PALM2AKAP2: variants seen among roughly 807,000 people sequenced by gnomAD.
The protein encoded by PALM2AKAP2 is PALM2-AKAP2 fusion protein.
A neutral mutation model predicts 71.5 loss-of-function variants in PALM2AKAP2; 37 were observed. The ratio of observed to expected loss-of-function variants is 0.52; its 90% confidence interval spans 0.40 to 0.68. The LOEUF (loss-of-function observed/expected upper bound fraction) is 0.68. Ranked by LOEUF, PALM2AKAP2 falls within the 30% of genes least tolerant of loss-of-function variation. The pLI, the probability that PALM2AKAP2 is intolerant of heterozygous loss-of-function variation, is 0.00. For missense variants in PALM2AKAP2, 1,224 were observed against 1,191.8 expected (o/e 1.03, Z -0.40); for synonymous variants, 468 against 478.8 (o/e 0.98, Z 0.29).
At chr9:109,727,223 G>A (rs78876342) in intron 1 of PALM2AKAP2, among the ~76,000 whole-genome samples, 7,178 of 152,112 alleles carry the variant, frequency 0.047, 265 homozygotes, top group Non-Finnish European at 0.073. Flanking sequence ...AGGTTACTTG[G>A]CCATATGCTT....
intron 2 of PALM2AKAP2, among the ~76,000 whole-genome samples, chr9:110,156,080 T>G (rs10816927): frequency 0.36 from 54,389 of 152,122 alleles, 10,148 homozygotes; most frequent in African/African-American, 0.43. Flanking sequence ...ATGCGTGCTG[T>G]GCCTGTTTGA....
At chr9:109,959,353 A>G (rs1216955413) in intron 6 of PALM2AKAP2, among the ~76,000 whole-genome samples, 2 of 152,110 alleles carry the variant, frequency 1.3e-5, no homozygotes, top group African/African-American at 4.8e-5. Flanking sequence ...TGTCTTAAGT[A>G]TAAAGATCCA....
At chr9:109,803,094 G>GT (rs967549875) in intron 1 of PALM2AKAP2, among the ~76,000 whole-genome samples, 12 of 146,008 alleles carry the variant, frequency 8.2e-5, no homozygotes, top group East Asian at 2.2e-4. Flanking sequence ...CCAAGAACAG[G>GT]TTTTTGGGGA....
intron 2 of PALM2AKAP2, 139 bp downstream of exon 2, chr9:109,867,710 C>T: frequency 1.0e-6 from 1 of 955,668 alleles, no homozygotes; most frequent in South Asian, 1.8e-5. Context: ...GAAACCATCT[C>T]TTGGCTTTTC....
At chr9:109,866,507 G>T (rs1477463433) in intron 1 of PALM2AKAP2, among the ~76,000 whole-genome samples, 1 of 152,136 alleles carries the variant, frequency 6.6e-6, no homozygotes, top group African/African-American at 2.4e-5. Flanking sequence ...CCACATTGGA[G>T]AAGTATAGAG....
Position 109,919,735 on chromosome 9 carries a change from A to ATGTGTG in PALM2AKAP2, c.258-3974_258-3969dup, listed in dbSNP as rs1163749906. Reference sequence around the variant, plus strand: ...TATATATATATATGTGTGTATACATATGTGTGTGTGTGTGTGTGTGTGTGT... The same window carrying ATGTGTG: ...TATATATATATATGTGTGTATACATATGTGTGTGTGTGTGTGTGTGTGTGTGTGTGT... On this transcript the variant is annotated intron_variant, in intron 3 of 9. Transcript: ENST00000302798. Among the ~76,000 whole-genome samples, 2 of 142,966 alleles carry ATGTGTG rather than the reference A, an allele frequency of 1.4e-5. 1 individual carries two copies. The highest frequency in any genetic ancestry group is 5.1e-5 in the African/African-American group (2 of 38,856). 93.8% of individuals were successfully genotyped at this position (142,966 alleles called of 152,430 possible). A position where few individuals can be genotyped will look rare whatever the true frequency, so the allele number is the denominator to read the frequency against.
At chr9:110,094,664 G>C (rs1163106001) in intron 1 of PALM2AKAP2, among the ~76,000 whole-genome samples, 1 of 127,568 alleles carries the variant, frequency 7.8e-6, no homozygotes, top group Non-Finnish European at 1.7e-5. Flanking sequence ...ATAGCACCAC[G>C]GGGCGGGGGG....
upstream of PALM2AKAP2, chr9:109,780,375 G>C: frequency 6.3e-7 from 1 of 1,598,812 alleles, no homozygotes; most frequent in Non-Finnish European, 8.5e-7. Context: ...AGCCGTCCCT[G>C]GGCGTTCTCC....
chr9:109,780,142 G>C (rs886500752), upstream of PALM2AKAP2, among the ~76,000 whole-genome samples: 15 of 151,054 alleles, frequency 9.9e-5, no homozygotes, highest in African/African-American at 3.6e-4. Context: ...GAGGCACCGA[G>C]ACGTCAGGGC....
chr9:109,652,663 T>C (rs1827242802), intron 1 of PALM2AKAP2, among the ~76,000 whole-genome samples: 1 of 152,246 alleles, frequency 6.6e-6, no homozygotes, highest in African/African-American at 2.4e-5. Flanking sequence ...GTCAATCATG[T>C]TTATTTATTA....
At chr9:109,937,485 G>A (rs567303379) in intron 6 of PALM2AKAP2, among the ~76,000 whole-genome samples, 79 of 151,978 alleles carry the variant, frequency 5.2e-4, no homozygotes, top group African/African-American at 1.8e-3. Flanking sequence ...AGCAACATTC[G>A]TTCTTACTCT....
At chr9:109,718,248 T>C (rs1251017887) in intron 1 of PALM2AKAP2, among the ~76,000 whole-genome samples, 1 of 152,026 alleles carries the variant, frequency 6.6e-6, no homozygotes. Flanking sequence ...GCCTGCCTAA[T>C]TTTTTTGTAT....
intron 1 of PALM2AKAP2, among the ~76,000 whole-genome samples, chr9:110,085,884 A>G (rs1429457005): frequency 6.6e-6 from 1 of 152,176 alleles, no homozygotes; most frequent in Non-Finnish European, 1.5e-5. Flanking sequence ...AGGCGGGCGG[A>G]TCACCTGAGG....
intron 1 of PALM2AKAP2, 144 bp downstream of exon 1, chr9:109,780,677 G>A: frequency 1.6e-6 from 2 of 1,258,820 alleles, no homozygotes; most frequent in Non-Finnish European, 2.2e-6. Flanking sequence ...GCTCAGCTAG[G>A]CTGCCTTTTC....
At chr9:109,723,570 A>T (rs558509322) in intron 1 of PALM2AKAP2, among the ~76,000 whole-genome samples, 1 of 152,320 alleles carries the variant, frequency 6.6e-6, no homozygotes, top group South Asian at 2.1e-4. Context: ...GGAAGACCCG[A>T]GAGGGCTGCT....
At chr9:109,849,621 T>C (rs2131618616) in intron 1 of PALM2AKAP2, among the ~76,000 whole-genome samples, 1 of 152,174 alleles carries the variant, frequency 6.6e-6, no homozygotes, top group East Asian at 1.9e-4. Flanking sequence ...CCAGGCATGG[T>C]GGCGTGCACC....
chr9:109,989,469 G>T (rs1426186292), intron 6 of PALM2AKAP2, among the ~76,000 whole-genome samples: 3 of 152,162 alleles, frequency 2.0e-5, no homozygotes, highest in Admixed American at 6.5e-5. Flanking sequence ...TCATGCTGTT[G>T]CCCCTTTGGA....
intron 1 of PALM2AKAP2, among the ~76,000 whole-genome samples, chr9:109,772,427 C>T (rs1829282934): frequency 6.6e-6 from 1 of 152,192 alleles, no homozygotes; most frequent in Admixed American, 6.5e-5. Flanking sequence ...AAGAAGAACA[C>T]ATTAAAGTAA....
At chr9:109,914,504 T>A (rs1234374856) in intron 3 of PALM2AKAP2, among the ~76,000 whole-genome samples, 1 of 152,214 alleles carries the variant, frequency 6.6e-6, no homozygotes, top group African/African-American at 2.4e-5. Flanking sequence ...TTACTTGTGC[T>A]GAATTCATAA....
Sources: gnomAD v4.1 joint callset for allele counts (sites outside exome capture counted in the v4.1 genomes callset) on GRCh38, gnomAD v4.1.1 for gene constraint, MANE v1.5 for transcripts, NCBI Gene and HGNC (gene_info 2026-07-23, HGNC 2026-07-21) for gene names.